PAX5: variants seen among roughly 807,000 people sequenced by gnomAD.
PAX5 encodes paired box protein Pax-5.
A neutral mutation model predicts 43.7 loss-of-function variants in PAX5; 9 were observed. The ratio of observed to expected loss-of-function variants is 0.21; its 90% CI spans 0.12 to 0.36. The LOEUF (loss-of-function observed/expected upper bound fraction) is 0.36. PAX5 is among the 10% of genes least tolerant of loss of function. The pLI is 1.00. For synonymous variants in PAX5, 228 were observed against 214.3 expected (o/e 1.06, Z -0.56); for missense variants, 383 against 532.7 (o/e 0.72, Z 2.77).
chr9:36,845,998 G>C (rs1027714930), intron 9 of PAX5, among the ~76,000 whole-genome samples: 5 of 152,150 alleles, frequency 3.3e-5, no homozygotes, highest in Admixed American at 6.5e-5. Flanking sequence ...CTGGGGGAGG[G>C]CTCCATGTTG....
intron 3 of PAX5, among the ~76,000 whole-genome samples, chr9:37,011,069 C>G (rs946974862): frequency 6.7e-6 from 1 of 149,628 alleles, no homozygotes. Context: ...TGCAGTGAAC[C>G]ATGATTGTGC....
rs982559939 is a variant in PAX5 at position 36,871,266 on chromosome 9, C to T, written c.1012+10738G>A. Among the ~76,000 whole-genome samples, 8 of 152,324 alleles carry T rather than the reference C, an allele frequency of 5.3e-5. No homozygotes were observed. The South Asian group carries it at 6.2e-4, about 12-fold the overall frequency. On this transcript the variant is annotated intron_variant, in intron 8 of 9. Transcript: ENST00000358127. ...GCTGCAGTCCTCGTCCAGTCCTCGG[C>T]GTTTATCTCCTGGATTCATGCCCAC...
chr9:37,008,685 G>A (rs547651371), intron 3 of PAX5, among the ~76,000 whole-genome samples: 1 of 152,294 alleles, frequency 6.6e-6, no homozygotes, highest in East Asian at 1.9e-4. Context: ...CTTGAGCTCA[G>A]CAAGGAGCCT....
intron 6 of PAX5, among the ~76,000 whole-genome samples, chr9:36,928,024 C>G (rs1188197219): frequency 2.0e-5 from 3 of 152,180 alleles, no homozygotes; most frequent in Non-Finnish European, 4.4e-5. Flanking sequence ...GGGCCTTTCA[C>G]CATAACCACC....
chr9:36,904,473 T>G (rs1266844109), intron 7 of PAX5, among the ~76,000 whole-genome samples: 2 of 152,176 alleles, frequency 1.3e-5, no homozygotes, highest in African/African-American at 4.8e-5. Flanking sequence ...TAAGCATTCA[T>G]GCCAGAAACA....
intron 6 of PAX5, among the ~76,000 whole-genome samples, chr9:36,932,023 C>T (rs531745195): frequency 6.6e-6 from 1 of 151,890 alleles, no homozygotes; most frequent in South Asian, 2.1e-4. Flanking sequence ...ACCAGTAATT[C>T]CAGCATTTTG....
chr9:37,030,985 A>T (rs566559294), intron 1 of PAX5, among the ~76,000 whole-genome samples: 203 of 152,350 alleles, frequency 1.3e-3, no homozygotes, highest in African/African-American at 4.5e-3. Context: ...CTTCATTTTT[A>T]AAAAATAAAA....
chr9:36,861,736 GA>G (rs1481726858), intron 8 of PAX5, among the ~76,000 whole-genome samples: 1 of 151,904 alleles, frequency 6.6e-6, no homozygotes, highest in Non-Finnish European at 1.5e-5. Flanking sequence ...AGGGTGGGGA[GA>G]GGGGAGAGAA....
At chr9:36,871,343 C>A (rs1825475210) in intron 8 of PAX5, among the ~76,000 whole-genome samples, 1 of 151,916 alleles carries the variant, frequency 6.6e-6, no homozygotes, top group Admixed American at 6.5e-5. Flanking sequence ...GATAAGAAGG[C>A]CTAAGGTTCA....
In PAX5 at chr9:36,864,017, A is replaced by G. The variant is rs562999742; in HGVS notation, c.1013-17088T>C. Among the ~76,000 whole-genome samples, 625 of 152,226 alleles carry G rather than the reference A, an allele frequency of 4.1e-3. 4 individuals are homozygous for G. The highest frequency in any genetic ancestry group is 0.014 in the African/African-American group (573 of 41,546). On this transcript the variant is annotated intron_variant, in intron 8 of 9. Coordinates refer to ENST00000358127, the MANE Select transcript of PAX5 (RefSeq NM_016734.3). ...CCAGCTACTCGGGAGGCTGAGGTAG[A>G]AGAATTGCTTGAACCCACGAGGCAG...
Position 36,837,147 on chromosome 9 carries a change from C to T in PAX5, c.*3413G>A, listed in dbSNP as rs183129848. 7 of 233,086 alleles carry T rather than the reference C, an allele frequency of 3.0e-5. No individual in the cohort carries two copies. The highest frequency in any genetic ancestry group is 1.8e-4 in the East Asian group (3 of 16,568). 14.4% of individuals were successfully genotyped at this position (233,086 alleles called of 1,614,324 possible). On this transcript the variant is annotated 3_prime_UTR_variant, in exon 10 of 10. Coordinates refer to ENST00000358127, the MANE Select transcript of PAX5 (RefSeq NM_016734.3). Reference sequence around the variant, plus strand: ...ACACTCCCATGACAGGAGCACAACTCGGTGGAGAGAGAATGGGGCCTGGAG... The same window carrying T: ...ACACTCCCATGACAGGAGCACAACTTGGTGGAGAGAGAATGGGGCCTGGAG...
rs1340576780 is a variant in PAX5 at position 36,869,863 on chromosome 9, GATGGATGGATAA to G, written c.1012+12129_1012+12140del. 6.7e-4 allele frequency among the ~76,000 whole-genome samples: 96 copies of G among 144,096 alleles called. 1 individual carries two copies. The highest frequency in any genetic ancestry group is 3.8e-3 in the Middle Eastern group (1 of 266). The allele number at this position is 144,096 out of a possible 152,430, so 94.5% of individuals were successfully genotyped here. ...GGATGGATAAATGGATGGATGGATG[GATGGATGGATAA>G]ATGGATGGATGGATGGATAAATGGA... On this transcript the variant is annotated intron_variant, in intron 8 of 9. Transcript: ENST00000358127.
intron 6 of PAX5, among the ~76,000 whole-genome samples, chr9:36,962,288 C>G (rs1009283601): frequency 1.3e-5 from 2 of 152,168 alleles, no homozygotes; most frequent in Non-Finnish European, 2.9e-5. Flanking sequence ...AGAAAACTGG[C>G]CCCTGGAATC....
intron 7 of PAX5, among the ~76,000 whole-genome samples, chr9:36,892,536 G>C (rs1255344259): frequency 6.6e-6 from 1 of 152,146 alleles, no homozygotes; most frequent in Non-Finnish European, 1.5e-5. Context: ...AGGTGAGCTG[G>C]ATGCAGGCTG....
intron 6 of PAX5, among the ~76,000 whole-genome samples, chr9:36,937,169 A>C (rs1304817343): frequency 6.6e-6 from 1 of 152,208 alleles, no homozygotes; most frequent in Non-Finnish European, 1.5e-5. Context: ...ACTTGCATTG[A>C]CTGGGTGCTT....
At chr9:36,909,292 T>C (rs1393076976) in intron 7 of PAX5, among the ~76,000 whole-genome samples, 1 of 152,252 alleles carries the variant, frequency 6.6e-6, no homozygotes, top group East Asian at 1.9e-4. Context: ...CCACTGCTAC[T>C]GCAAAGGGCC....
At chr9:36,951,890 C>T (rs1833038605) in intron 6 of PAX5, among the ~76,000 whole-genome samples, 1 of 152,212 alleles carries the variant, frequency 6.6e-6, no homozygotes, top group Non-Finnish European at 1.5e-5. Flanking sequence ...AATTTGCTCA[C>T]TGGCATCCTT....
At chr9:37,025,714 C>T (rs1173850525) in intron 1 of PAX5, among the ~76,000 whole-genome samples, 1 of 152,250 alleles carries the variant, frequency 6.6e-6, no homozygotes, top group Non-Finnish European at 1.5e-5. Context: ...GCGGGCCAGG[C>T]AGCCAGGCCG....
chr9:36,878,034 C>T (rs1011576870), intron 8 of PAX5, among the ~76,000 whole-genome samples: 11 of 152,174 alleles, frequency 7.2e-5, no homozygotes, highest in South Asian at 2.1e-4. Flanking sequence ...ATGCCGGGAA[C>T]GAACCACAAA....
Sources: gnomAD v4.1 joint callset for allele counts (sites outside exome capture counted in the v4.1 genomes callset) on GRCh38, gnomAD v4.1.1 for gene constraint, MANE v1.5 for transcripts, NCBI Gene and HGNC (gene_info 2026-07-23, HGNC 2026-07-21) for gene names.